MEOX2: variants seen among roughly 807,000 people sequenced by gnomAD.
MEOX2 encodes the protein mesenchyme homeobox 2.
In MEOX2, 11 loss-of-function variants were observed where a neutral mutation model predicts 27.0. That is an observed-to-expected ratio of 0.41 (90% CI 0.26 to 0.68). The LOEUF (loss-of-function observed/expected upper bound fraction) is 0.68, where lower values mean the gene tolerates loss of function less well. MEOX2 is among the 30% of genes least tolerant of loss of function. The pLI is 0.33. For synonymous variants in MEOX2, 189 were observed against 155.4 expected, an observed-to-expected ratio of 1.22 and a Z score of -1.61; for missense variants, 436 against 385.4, an observed-to-expected ratio of 1.13 and a Z score of -1.10.
Position 15,686,542 on chromosome 7 carries a change from G to A in MEOX2, c.-140C>T. On this transcript the variant is annotated 5_prime_UTR_variant, in exon 1 of 3. Transcript: ENST00000262041. ...ATAGCGGTGCACTTCTGCAGAGCTC[G>A]GATAATCCCGGTCCTGAGCCCCAGC... 1.3e-6 allele frequency: 1 copy of A among 753,280 alleles called. No homozygotes were observed. Among genetic ancestry groups the A allele is most frequent in the Non-Finnish European group, 2.1e-6 (1 of 472,410 alleles). 46.7% of individuals were successfully genotyped at this position (753,280 alleles called of 1,614,324 possible).
At chr7:15,668,201 C>T (rs1348077514) in intron 1 of MEOX2, 2 of 152,186 alleles carry the variant, frequency 1.3e-5, no homozygotes, top group Non-Finnish European at 2.9e-5. Context: ...AGACAGAAGA[C>T]CTTTGCCTTC....
At chr7:15,624,834 C>A (rs1781273934) in intron 2 of MEOX2, among the ~76,000 whole-genome samples, 2 of 152,130 alleles carry the variant, frequency 1.3e-5, no homozygotes, top group South Asian at 2.1e-4. Flanking sequence ...TTAAAAGAAT[C>A]TTTAAAACAA....
rs370719073 is a variant in MEOX2, at chr7:15,686,150, G to A, written c.253C>T (p.His85Tyr). 1.3e-6 allele frequency: 2 copies of A among 1,568,040 alleles called. No individual in the cohort carries two copies. The highest frequency in any genetic ancestry group is 3.1e-5 in the African/African-American group (2 of 65,306). Residue 85 changes from histidine (H) to tyrosine (Y), a missense_variant, in exon 1 of 3, where the codon CAC becomes TAC. His to Tyr is a moderately conservative substitution (Grantham distance 83). Transcript: ENST00000262041. ...HHHHHHQQQQ[H>Y]QALQTNWHLP... ...TGCCAGTTGGTTTGCAGAGCCTGGT[G>A]CTGCTGCTGCTGATGGTGGTGATGG...
At chr7:15,644,360 C>T (rs972535240) in intron 1 of MEOX2, among the ~76,000 whole-genome samples, 2 of 152,136 alleles carry the variant, frequency 1.3e-5, no homozygotes, top group Non-Finnish European at 2.9e-5. Flanking sequence ...AAATATGGTG[C>T]CTGGAGTTTC....
chr7:15,652,298 T>C (rs1781744407), intron 1 of MEOX2, among the ~76,000 whole-genome samples: 1 of 152,080 alleles, frequency 6.6e-6, no homozygotes, highest in East Asian at 1.9e-4. Flanking sequence ...GCATATGTAA[T>C]TACTCATGCA....
intron 1 of MEOX2, among the ~76,000 whole-genome samples, chr7:15,664,312 G>C (rs181394626): frequency 3.7e-4 from 56 of 152,246 alleles, no homozygotes; most frequent in African/African-American, 1.3e-3. Flanking sequence ...TCTAGTTGTT[G>C]TGGCATTTGG....
intron 1 of MEOX2, among the ~76,000 whole-genome samples, chr7:15,662,801 C>A (rs1781938217): frequency 6.6e-6 from 1 of 152,070 alleles, no homozygotes; most frequent in Non-Finnish European, 1.5e-5. Flanking sequence ...TGAAACCACT[C>A]CAAAAGATTC....
intron 1 of MEOX2, among the ~76,000 whole-genome samples, chr7:15,647,822 T>A (rs1044370145): frequency 1.8e-4 from 28 of 152,104 alleles, no homozygotes; most frequent in African/African-American, 6.3e-4. Context: ...CCTTAAAAAA[T>A]GATCACTGTT....
Position 15,612,186 on chromosome 7 carries a change from T to C in MEOX2, c.*201A>G. 2 of 594,178 alleles carry C rather than the reference T, an allele frequency of 3.4e-6. No homozygotes were observed. Among genetic ancestry groups the C allele is most frequent in the Admixed American group, 3.0e-5 (1 of 33,832 alleles). 36.8% of individuals were successfully genotyped at this position (594,178 alleles called of 1,614,324 possible). ...GAATATTCAAAGCAAGTTCACCTTC[T>C]CCATCTTCACTGTGGAAGCTCTTTA... is the stretch of plus-strand genomic sequence containing the variant. On this transcript the variant is annotated 3_prime_UTR_variant, in exon 3 of 3. Coordinates refer to ENST00000262041, the MANE Select transcript of MEOX2 (RefSeq NM_005924.5).
intron 1 of MEOX2, among the ~76,000 whole-genome samples, chr7:15,676,731 G>A (rs1217238180): frequency 3.3e-5 from 5 of 151,808 alleles, no homozygotes; most frequent in Non-Finnish European, 2.9e-5. Flanking sequence ...ATTAGCGGGC[G>A]CCTGTAGTCC....
At chr7:15,669,963 T>A (rs1389679955) in intron 1 of MEOX2, among the ~76,000 whole-genome samples, 2 of 152,146 alleles carry the variant, frequency 1.3e-5, no homozygotes, top group African/African-American at 2.4e-5. Flanking sequence ...CCCCATCCTT[T>A]CCCAGAAAAA....
At chr7:15,675,840 C>A (rs907373143) in intron 1 of MEOX2, among the ~76,000 whole-genome samples, 1 of 152,144 alleles carries the variant, frequency 6.6e-6, no homozygotes, top group Non-Finnish European at 1.5e-5. Flanking sequence ...TGCTCTTCTT[C>A]CTGTACTCTT....
chr7:15,664,490 C>T lies in MEOX2; in HGVS notation c.517+21396G>A, dbSNP rs377548691. Among the ~76,000 whole-genome samples the T allele has an allele frequency of 7.2e-5, 11 of 152,234 alleles. No individual in the cohort carries two copies. In the South Asian group the frequency reaches 8.3e-4, roughly 11 times the overall value. ...ATCAAATATGCCAGCAAACAAACAA[C>T]AAAAACTCTCAGCAATAGATGCTTG... On this transcript the variant is annotated intron_variant, in intron 1 of 2. Coordinates refer to ENST00000262041, the MANE Select transcript of MEOX2 (RefSeq NM_005924.5).
intron 2 of MEOX2, among the ~76,000 whole-genome samples, chr7:15,618,055 A>G (rs1285988106): frequency 2.0e-5 from 3 of 152,050 alleles, no homozygotes; most frequent in Admixed American, 6.6e-5. Flanking sequence ...TCTTCTTTCC[A>G]AAAATGAACC....
intron 1 of MEOX2, among the ~76,000 whole-genome samples, chr7:15,639,054 T>A (rs1268666351): frequency 6.6e-6 from 1 of 152,086 alleles, no homozygotes; most frequent in East Asian, 1.9e-4. Flanking sequence ...GAAATCTCCA[T>A]ACTGTTTTCT....
At chr7:15,668,711 G>C (rs1782049861) in intron 1 of MEOX2, among the ~76,000 whole-genome samples, 1 of 151,994 alleles carries the variant, frequency 6.6e-6, no homozygotes, top group Non-Finnish European at 1.5e-5. Flanking sequence ...CCTGATCTCA[G>C]ATGATCCGCT....
chr7:15,631,920 G>GTGTGTGTGTGTGTGTGTGTC (rs1200089659), intron 1 of MEOX2, among the ~76,000 whole-genome samples: 2 of 151,046 alleles, frequency 1.3e-5, no homozygotes, highest in African/African-American at 4.9e-5. Flanking sequence ...GTGTGTGTGT[G>GTGTGTGTGTGTGTGTGTGTC]TGTGTGTGTG....
At chr7:15,649,490 A>G (rs1288792146) in intron 1 of MEOX2, among the ~76,000 whole-genome samples, 2 of 152,114 alleles carry the variant, frequency 1.3e-5, no homozygotes, top group African/African-American at 4.8e-5. Flanking sequence ...AGCAAATTAC[A>G]TTTATGATAG....
At chr7:15,668,760 G>C (rs1284519603) in intron 1 of MEOX2, among the ~76,000 whole-genome samples, 1 of 152,130 alleles carries the variant, frequency 6.6e-6, no homozygotes, top group Non-Finnish European at 1.5e-5. Context: ...ACAGGCATGA[G>C]CCACCACACC....
Sources: gnomAD v4.1 joint callset for allele counts (sites outside exome capture counted in the v4.1 genomes callset) on GRCh38, gnomAD v4.1.1 for gene constraint, MANE v1.5 for transcripts, NCBI Gene and HGNC (gene_info 2026-07-23, HGNC 2026-07-21) for gene names.